DEK: variants seen among roughly 807,000 people sequenced by gnomAD.
DEK encodes DEK proto-oncogene.
DEK carries 28 observed loss-of-function variants against 46.8 expected under a neutral mutation model. That is an observed-to-expected ratio of 0.60 (90% CI 0.44 to 0.82). DEK has a LOEUF of 0.82. Ranked by LOEUF, DEK falls within the 40% of genes least tolerant of loss-of-function variation. DEK has a pLI of 0.00. For synonymous variants in DEK, 160 were observed against 144.5 expected (o/e 1.11, Z -0.77); for missense variants, 416 against 430.6 (o/e 0.97, Z 0.30).
At chr6:18,231,595 C>G (rs1478318242) in intron 9 of DEK, among the ~76,000 whole-genome samples, 1 of 152,148 alleles carries the variant, frequency 6.6e-6, no homozygotes, top group Non-Finnish European at 1.5e-5. Context: ...CACCTCTACG[C>G]AAATAAACTA....
chr6:18,264,234 C>CGCCCGGCCTGCGCTGTTCCCG (rs1792009841), intron 1 of DEK, 151 bp downstream of exon 1: 1 of 306,312 alleles, frequency 3.3e-6, no homozygotes, highest in African/African-American at 2.2e-5. Context: ...CGCGCGCGCC[C>CGCCCGGCCTGCGCTGTTCCCG]GCCCGGCCTG....
chr6:18,256,274 A>T, intron 5 of DEK, 87 bp downstream of exon 5: 3 of 1,190,280 alleles, frequency 2.5e-6, no homozygotes, highest in Non-Finnish European at 3.6e-6. Context: ...GGTGTGAGCC[A>T]CTGTGCCTGG....
At chr6:18,230,379 C>T (rs1231886441) in intron 9 of DEK, among the ~76,000 whole-genome samples, 3 of 152,074 alleles carry the variant, frequency 2.0e-5, no homozygotes, top group South Asian at 2.1e-4. Flanking sequence ...CACATAACAA[C>T]ATTAACCTTA....
At chr6:18,225,882 T>C (rs761664467) in intron 10 of DEK, 152 bp from the exon 11 acceptor site, 1 of 926,486 alleles carries the variant, frequency 1.1e-6, no homozygotes, top group Non-Finnish European at 1.6e-6. Flanking sequence ...CTTTGCCTCG[T>C]AGACAGGAAC....
At chr6:18,236,313 T>C in intron 9 of DEK, 139 bp downstream of exon 9, 1 of 835,904 alleles carries the variant, frequency 1.2e-6, no homozygotes, top group Admixed American at 3.1e-5. Flanking sequence ...CCAGCACCTG[T>C]AAGGAGATCT....
intron 9 of DEK, among the ~76,000 whole-genome samples, chr6:18,226,911 CAG>C (rs1448261085): frequency 6.6e-6 from 1 of 152,202 alleles, no homozygotes; most frequent in East Asian, 1.9e-4. Context: ...TGTGTCAACT[CAG>C]GGTGAAATGG....
intron 9 of DEK, among the ~76,000 whole-genome samples, chr6:18,235,033 G>A (rs1317211128): frequency 6.6e-6 from 1 of 152,034 alleles, no homozygotes; most frequent in African/African-American, 2.4e-5. Context: ...CCTTCTAATG[G>A]ACAGAACTAA....
At chr6:18,259,421 A>AT (rs1561993133) in intron 2 of DEK, among the ~76,000 whole-genome samples, 1 of 148,476 alleles carries the variant, frequency 6.7e-6, no homozygotes, top group African/African-American at 2.5e-5. Context: ...AAAAAAAAAA[A>AT]AAAAAAAAAA....
rs80063439 is a variant in DEK, at chr6:18,242,713, T to C, written c.763-5197A>G. On this transcript the variant is annotated intron_variant, in intron 7 of 10. Transcript: ENST00000652689. ...CAAGTACCCTTATGTGACTTAATAA[T>C]GGCCCCAAAGCCCAGAAGTAGTAAT... 6.8e-3 allele frequency among the ~76,000 whole-genome samples: 1,042 copies of C among 152,230 alleles called. 9 individuals are homozygous for C. Among genetic ancestry groups the C allele is most frequent in the Middle Eastern group, 0.02 (6 of 294 alleles).
intron 6 of DEK, among the ~76,000 whole-genome samples, chr6:18,255,056 T>A (rs958056213): frequency 1.3e-5 from 2 of 152,142 alleles, no homozygotes; most frequent in African/African-American, 4.8e-5. Context: ...TGGGGAAGAA[T>A]ATAAAAACAT....
intron 6 of DEK, 90 bp downstream of exon 6, chr6:18,255,641 T>C: frequency 7.0e-7 from 1 of 1,431,932 alleles, no homozygotes; most frequent in African/African-American, 1.4e-5. Flanking sequence ...GAACGAATAC[T>C]GACAGCAATG....
At chr6:18,234,293 T>C (rs989987805) in intron 9 of DEK, among the ~76,000 whole-genome samples, 12 of 151,736 alleles carry the variant, frequency 7.9e-5, no homozygotes, top group African/African-American at 2.7e-4. Flanking sequence ...TATATATATA[T>C]ATATATATGT....
chr6:18,264,499 C>A lies in DEK; in HGVS notation c.-124G>T. ...GGGCCGCTGTCTGGCGTGACGCTCG[C>A]GCCGCGCGCTCGGCTCCCCAGAATC... On this transcript the variant is annotated 5_prime_UTR_variant, in exon 1 of 11. Coordinates refer to ENST00000652689, the MANE Select transcript of DEK (RefSeq NM_003472.4). The A allele has an allele frequency of 4.0e-6, 1 of 249,352 alleles. No homozygotes were observed. Among genetic ancestry groups the A allele is most frequent in the Non-Finnish European group, 8.0e-6 (1 of 124,470 alleles). 15.4% of individuals were successfully genotyped at this position (249,352 alleles called of 1,614,324 possible). A position where few individuals can be genotyped will look rare whatever the true frequency, so the allele number is the denominator to read the frequency against.
chr6:18,238,801 T>A (rs1790777512), intron 7 of DEK, among the ~76,000 whole-genome samples: 1 of 152,218 alleles, frequency 6.6e-6, no homozygotes, highest in South Asian at 2.1e-4. Context: ...AGCTTCCTAT[T>A]AAACATTCCA....
chr6:18,250,847 T>C (rs1242777692), intron 6 of DEK, among the ~76,000 whole-genome samples: 1 of 152,130 alleles, frequency 6.6e-6, no homozygotes, highest in Non-Finnish European at 1.5e-5. Flanking sequence ...AATTTATGAA[T>C]GAACTATACG....
At chr6:18,234,175 C>T (rs889064211) in intron 9 of DEK, among the ~76,000 whole-genome samples, 3 of 64,458 alleles carry the variant, frequency 4.7e-5, no homozygotes, top group East Asian at 5.0e-4. Context: ...CATCACACAT[C>T]GGGGCCTGTT....
chr6:18,227,628 C>T (rs931500766), intron 9 of DEK, among the ~76,000 whole-genome samples: 1 of 152,062 alleles, frequency 6.6e-6, no homozygotes. Flanking sequence ...GTGTCTTTTT[C>T]TTTTCTAAGT....
chr6:18,258,432 T>C, intron 2 of DEK, 27 bp from the exon 3 acceptor site: 3 of 1,557,580 alleles, frequency 1.9e-6, no homozygotes, highest in Non-Finnish European at 2.6e-6. Flanking sequence ...TATTTCTTAA[T>C]TAACAAAAAG....
At chr6:18,258,615 C>A (rs1420527498) in intron 2 of DEK, among the ~76,000 whole-genome samples, 1 of 151,822 alleles carries the variant, frequency 6.6e-6, no homozygotes, top group Non-Finnish European at 1.5e-5. Context: ...ATTTTACTCA[C>A]CTGGCACTCA....
Sources: gnomAD v4.1 joint callset for allele counts (sites outside exome capture counted in the v4.1 genomes callset) on GRCh38, gnomAD v4.1.1 for gene constraint, MANE v1.5 for transcripts, NCBI Gene and HGNC (gene_info 2026-07-23, HGNC 2026-07-21) for gene names.